Variants in ITCH observed in about 807,000 individuals in gnomAD.
ITCH encodes the protein itchy E3 ubiquitin protein ligase.
In ITCH, 28 loss-of-function variants were observed where a neutral mutation model predicts 126.8. That is an observed-to-expected ratio of 0.22 (90% CI 0.16 to 0.30). The LOEUF (loss-of-function observed/expected upper bound fraction) is 0.30, where lower values mean the gene tolerates loss of function less well. ITCH is among the 10% of genes least tolerant of loss of function. The probability of loss-of-function intolerance (pLI) is 1.00; values close to 1 mark genes in which losing one functional copy is unlikely to be tolerated. For missense variants in ITCH, 631 were observed against 1,032.4 expected (o/e 0.61, Z 5.33); for synonymous variants, 342 against 340.0 (o/e 1.01, Z -0.06).
chr20:34,469,946 T>TTGGTTAG (rs1386790602), intron 14 of ITCH, 102 bp from the exon 15 acceptor site: 2 of 853,782 alleles, frequency 2.3e-6, no homozygotes, highest in African/African-American at 3.3e-5. Context: ...ATTTTTGAAT[T>TTGGTTAG]TGGTTAGTAA....
chr20:34,471,260 A>G (rs1987594652), intron 15 of ITCH, among the ~76,000 whole-genome samples, 184 bp from the exon 16 acceptor site: 1 of 152,236 alleles, frequency 6.6e-6, no homozygotes. Flanking sequence ...GTTTGCATAT[A>G]TTAATCTGTA....
At chr20:34,413,377 T>C (rs1043315302) in intron 5 of ITCH, among the ~76,000 whole-genome samples, 2 of 152,208 alleles carry the variant, frequency 1.3e-5, no homozygotes, top group Non-Finnish European at 2.9e-5. Flanking sequence ...TTATTAGATA[T>C]AATTTATCCT....
At chr20:34,476,427 G>T in intron 16 of ITCH, 1 of 1,227,800 alleles carries the variant, frequency 8.1e-7, no homozygotes, top group South Asian at 3.9e-5. Context: ...GGTCGCCGAG[G>T]ACCGCAGAAG....
chr20:34,404,742 C>T (rs963059776), intron 3 of ITCH, among the ~76,000 whole-genome samples: 5 of 152,030 alleles, frequency 3.3e-5, no homozygotes, highest in Admixed American at 2.6e-4. Flanking sequence ...AAAATTAGGA[C>T]AGTAATACCT....
chr20:34,491,177 A>G (rs1455851026), intron 22 of ITCH, among the ~76,000 whole-genome samples: 1 of 152,236 alleles, frequency 6.6e-6, no homozygotes, highest in African/African-American at 2.4e-5. Flanking sequence ...TTTGTAAGCC[A>G]GGGACTGTCT....
intron 16 of ITCH, chr20:34,476,805 A>G (rs1291045993): frequency 6.3e-6 from 1 of 159,704 alleles, no homozygotes; most frequent in Non-Finnish European, 1.4e-5. Flanking sequence ...CTCCCTTTCC[A>G]TGTTCTTCTG....
chr20:34,463,029 G>A (rs1023235036), intron 14 of ITCH, among the ~76,000 whole-genome samples: 2 of 151,978 alleles, frequency 1.3e-5, no homozygotes, highest in Admixed American at 1.3e-4. Flanking sequence ...GTTTTTTGGG[G>A]GGTATTGTAA....
intron 6 of ITCH, among the ~76,000 whole-genome samples, chr20:34,414,989 C>T (rs921218692): frequency 2.6e-5 from 4 of 152,198 alleles, no homozygotes; most frequent in African/African-American, 9.7e-5. Context: ...AGTGGCTACA[C>T]AGCTAGCATA....
intron 3 of ITCH, among the ~76,000 whole-genome samples, chr20:34,398,397 A>G (rs1370948530): frequency 1.3e-5 from 2 of 149,826 alleles, no homozygotes. Flanking sequence ...GGTCTAAAAT[A>G]TTCTTTTTCT....
chr20:34,383,362 ATTT>A (rs34783163), intron 2 of ITCH, among the ~76,000 whole-genome samples: 27 of 109,456 alleles, frequency 2.5e-4, no homozygotes, highest in African/African-American at 5.9e-4. Flanking sequence ...GGCTTGATAG[ATTT>A]TTTTTTTTTT....
intron 16 of ITCH, among the ~76,000 whole-genome samples, chr20:34,474,426 T>A (rs1156315665): frequency 2.6e-5 from 4 of 152,208 alleles, no homozygotes; most frequent in Non-Finnish European, 5.9e-5. Context: ...CCGCCCTTAA[T>A]CCATTTAACC....
At chr20:34,390,264 A>G (rs867670465) in intron 2 of ITCH, among the ~76,000 whole-genome samples, 2 of 152,254 alleles carry the variant, frequency 1.3e-5, no homozygotes, top group Middle Eastern at 3.4e-3. Context: ...TAAATTATAG[A>G]TTATCTACAT....
intron 7 of ITCH, among the ~76,000 whole-genome samples, chr20:34,436,792 C>T (rs747726235): frequency 3.7e-4 from 56 of 152,270 alleles, no homozygotes; most frequent in Admixed American, 5.2e-4. Flanking sequence ...AATAGAAAGG[C>T]CCTAAAGGAT....
chr20:34,459,462 C>T (rs766626132), intron 13 of ITCH, among the ~76,000 whole-genome samples: 1 of 152,176 alleles, frequency 6.6e-6, no homozygotes, highest in Non-Finnish European at 1.5e-5. Context: ...AACTGATGCT[C>T]CATGTCCCAC....
chr20:34,489,154 A>G (rs1989342967), intron 20 of ITCH, 112 bp from the exon 21 acceptor site: 9 of 883,084 alleles, frequency 1.0e-5, no homozygotes, highest in Non-Finnish European at 1.5e-5. Context: ...ATTATGTTCT[A>G]TTTTTGAATA....
intron 11 of ITCH, among the ~76,000 whole-genome samples, chr20:34,446,626 CT>C: frequency 6.6e-6 from 1 of 152,240 alleles, no homozygotes; most frequent in East Asian, 1.9e-4. Context: ...CTTTACCCTT[CT>C]TTTCATTTTT....
At chr20:34,457,503 T>A in intron 13 of ITCH, 29 bp downstream of exon 13, 1 of 1,397,500 alleles carries the variant, frequency 7.2e-7, no homozygotes, top group Non-Finnish European at 1.0e-6. Flanking sequence ...GTATATTTAA[T>A]CTCTTAAAGA....
At chr20:34,402,027 G>A in intron 3 of ITCH, 1 of 604,734 alleles carries the variant, frequency 1.7e-6, no homozygotes, top group Non-Finnish European at 3.0e-6. Flanking sequence ...GTGGGTAGGT[G>A]CAGTGCGTTT....
At chr20:34,403,478 T>C (rs1488597689) in intron 3 of ITCH, among the ~76,000 whole-genome samples, 1 of 152,120 alleles carries the variant, frequency 6.6e-6, no homozygotes, top group East Asian at 1.9e-4. Flanking sequence ...AGACAGAGAC[T>C]AGAAAGCAGG....
Sources: allele counts gnomAD v4.1 joint callset (sites outside exome capture counted in the v4.1 genomes callset), GRCh38; gene constraint gnomAD v4.1.1; transcripts MANE v1.5; gene names NCBI Gene and HGNC (gene_info 2026-07-23, HGNC 2026-07-21).